The following NFKBIL1 variants were observed in gnomAD, a reference collection of about 807,000 sequenced individuals.
The protein encoded by NFKBIL1 is NF-kappa-B inhibitor-like protein 1.
A neutral mutation model predicts 45.4 loss-of-function variants in NFKBIL1; 30 were observed. That is an observed-to-expected ratio of 0.66 (90% CI 0.49 to 0.90). The LOEUF (loss-of-function observed/expected upper bound fraction) is 0.90, where lower values mean the gene tolerates loss of function less well. Among genes scored for constraint, NFKBIL1 ranks in the 40% least tolerant of loss-of-function variants. The pLI, the probability that NFKBIL1 is intolerant of heterozygous loss-of-function variation, is 0.00. For synonymous variants in NFKBIL1, 179 were observed against 197.3 expected, an observed-to-expected ratio of 0.91 and a Z score of 0.78; for missense variants, 434 against 513.4, an observed-to-expected ratio of 0.85 and a Z score of 1.49.
intron 2 of NFKBIL1, among the ~76,000 whole-genome samples, chr6:31,552,747 C>T (rs2150363808): frequency 7.9e-6 from 1 of 127,282 alleles, no homozygotes; most frequent in Admixed American, 9.3e-5. Flanking sequence ...TTCTGTCGCC[C>T]AAGCTGGAGT....
At chr6:31,552,681 A>ATT (rs1769494861) in intron 2 of NFKBIL1, among the ~76,000 whole-genome samples, 2 of 105,002 alleles carry the variant, frequency 1.9e-5, no homozygotes, top group African/African-American at 3.6e-5. Context: ...TAAAGGCGGC[A>ATT]TTTCTTTTTT....
At chr6:31,548,109 G>A in intron 1 of NFKBIL1, 54 bp from the exon 2 acceptor site, 2 of 1,610,734 alleles carry the variant, frequency 1.2e-6, no homozygotes, top group East Asian at 4.5e-5. Flanking sequence ...GAGATGGAGG[G>A]AGAAGGACCA....
chr6:31,554,265 G>C (rs998833572), intron 2 of NFKBIL1, among the ~76,000 whole-genome samples: 2 of 152,048 alleles, frequency 1.3e-5, no homozygotes, highest in Non-Finnish European at 2.9e-5. Context: ...TTAGCCAGGC[G>C]TGGTGGTACG....
chr6:31,555,687 C>T (rs1769696849), intron 2 of NFKBIL1, among the ~76,000 whole-genome samples: 1 of 142,626 alleles, frequency 7.0e-6, no homozygotes, highest in Non-Finnish European at 1.5e-5. Context: ...GCGATCTCGG[C>T]TCACTGCAAC....
chr6:31,556,519 C>T (rs566549557), intron 2 of NFKBIL1, among the ~76,000 whole-genome samples: 11 of 152,174 alleles, frequency 7.2e-5, no homozygotes, highest in Non-Finnish European at 1.3e-4. Flanking sequence ...TGGGCCTGGC[C>T]AGGATGCCTG....
rs1021084579 is a variant in NFKBIL1 at position 31,558,182 on chromosome 6, G to A, written c.717G>A (p.Gln239=). 1.3e-5 allele frequency: 21 copies of A among 1,609,298 alleles called. No homozygotes were observed. In the African/African-American group the frequency reaches 1.5e-4, roughly 11 times the overall value. The part of the protein sequence containing the change: ...AEGSSQSWRQ[Q]EEEQRLFRER... The stretch of plus-strand genomic sequence containing the variant: ...GCTCCAGCCAGAGCTGGCGACAGCA[G>A]GAGGAGGAGCAGCGGCTCTTCAGGG... Residue 239 remains glutamine (Q), a synonymous_variant, in exon 4 of 4, where the codon CAG becomes CAA. Coordinates refer to ENST00000376148, the MANE Select transcript of NFKBIL1 (RefSeq NM_005007.4). The surrounding 1 kb of genome is among the most constrained non-coding windows in gnomAD (Gnocchi z 7.2).
rs1052999699 is a variant in NFKBIL1 at position 31,547,773 on chromosome 6, G to C, written c.57+22G>C. The stretch of plus-strand genomic sequence containing the variant: ...CCGGGTACATGATATTCAATTTCTA[G>C]ATCATTATTGGAGATTATCTGTGAC... On this transcript the variant is annotated intron_variant, in intron 1 of 3. Coordinates refer to ENST00000376148, the MANE Select transcript of NFKBIL1 (RefSeq NM_005007.4). The C allele has an allele frequency of 1.9e-6, 3 of 1,582,708 alleles. No individual in the cohort carries two copies. The African/African-American group carries it at 4.0e-5, about 21-fold the overall frequency.
chr6:31,547,009 G>C (rs114762763), upstream of NFKBIL1: 5,604 of 171,050 alleles, frequency 0.033, 302 homozygotes, highest in African/African-American at 0.12. Context: ...GTTGGGAAAA[G>C]AGCATTCTGG....
intron 2 of NFKBIL1, among the ~76,000 whole-genome samples, chr6:31,549,183 A>G (rs1769292103): frequency 6.6e-6 from 1 of 152,148 alleles, no homozygotes; most frequent in African/African-American, 2.4e-5. Context: ...GTACATAATT[A>G]GAGTACCTGG....
Position 31,557,935 on chromosome 6 carries a change from C to A in NFKBIL1, c.556+86C>A. 6.7e-7 allele frequency: 1 copy of A among 1,495,752 alleles called. No homozygotes were observed. The highest frequency in any genetic ancestry group is 2.4e-5 in the East Asian group (1 of 42,534). The allele number at this position is 1,495,752 out of a possible 1,614,324, so 92.7% of individuals were successfully genotyped here. A position where few individuals can be genotyped will look rare whatever the true frequency, so the allele number is the denominator to read the frequency against. On this transcript the variant is annotated intron_variant, in intron 3 of 3. Coordinates refer to ENST00000376148, the MANE Select transcript of NFKBIL1 (RefSeq NM_005007.4). This position sits in a 1 kb window ranked among gnomAD's most constrained non-coding sequence, Gnocchi z 5.4. ...AATGCGTCACACTAGGCTCCTCTGC[C>A]CCCTCCTCTGTGCTTCCCTGCTTCT... is the stretch of plus-strand genomic sequence containing the variant.
chr6:31,558,002 C>T lies in NFKBIL1; in HGVS notation c.557-20C>T, dbSNP rs1399806341. On this transcript the variant is annotated intron_variant, in intron 3 of 3. Coordinates refer to ENST00000376148, the MANE Select transcript of NFKBIL1 (RefSeq NM_005007.4). This position sits in a 1 kb window ranked among gnomAD's most constrained non-coding sequence, Gnocchi z 7.2. ...CTCACAGCCTCTCTCCAACTACCCCCATCCCACCCTCCCAAACAGGTGATG... is the reference window on the plus strand; with the variant it reads ...CTCACAGCCTCTCTCCAACTACCCCTATCCCACCCTCCCAAACAGGTGATG... The T allele has an allele frequency of 7.3e-7, 1 of 1,374,610 alleles. No homozygotes were observed. The highest frequency in any genetic ancestry group is 1.0e-6 in the Non-Finnish European group (1 of 980,734). 85.2% of individuals were successfully genotyped at this position (1,374,610 alleles called of 1,614,324 possible). A position where few individuals can be genotyped will look rare whatever the true frequency, so the allele number is the denominator to read the frequency against.
intron 2 of NFKBIL1, among the ~76,000 whole-genome samples, chr6:31,555,611 T>C (rs1189496307): frequency 1.6e-5 from 2 of 124,416 alleles, no homozygotes; most frequent in East Asian, 2.2e-4. Flanking sequence ...CTCTCTCTCT[T>C]TTTTTTTTTT....
rs1281124095 is a variant in NFKBIL1 at position 31,553,546 on chromosome 6, A to G, written c.335-4082A>G. The stretch of plus-strand genomic sequence containing the variant: ...TCACGGTAAACTACCTTTATCTGTG[A>G]TGATTTTATTTCCTTAAAATAAATT... On this transcript the variant is annotated intron_variant, in intron 2 of 3. Transcript: ENST00000376148. 3.9e-5 allele frequency among the ~76,000 whole-genome samples: 6 copies of G among 152,212 alleles called. No individual in the cohort carries two copies. The East Asian group carries it at 7.7e-4, about 19-fold the overall frequency.
Position 31,557,823 on chromosome 6 carries a change from G to T in NFKBIL1, c.530G>T (p.Trp177Leu). Residue 177 changes from tryptophan (W) to leucine (L), a missense_variant, in exon 3 of 4, where the codon TGG (tryptophan) becomes TTG (leucine). By Grantham distance (61) the Trp-to-Leu change is moderately conservative. Around this residue, in one of 4 missense-constraint regions of NFKBIL1, gnomAD observed 231 missense variants for 264.1 expected, o/e 0.87. Transcript: ENST00000376148. This position sits in a 1 kb window ranked among gnomAD's most constrained non-coding sequence, Gnocchi z 5.4. Reference protein sequence around the residue: ...QKLQGELEDEWQEVMGRFEGD... With the variant: ...QKLQGELEDELQEVMGRFEGD... ...CTCCAGGGTGAGCTGGAGGACGAGT[G>T]GCAGGAAGTCATGGGGAGGTTTGAA... The T allele has an allele frequency of 6.2e-7, 1 of 1,604,310 alleles. No homozygotes were observed. Among genetic ancestry groups the T allele is most frequent in the Non-Finnish European group, 8.5e-7 (1 of 1,173,862 alleles).
In NFKBIL1 at chr6:31,558,305, G is replaced by A; in HGVS notation, c.840G>A (p.Gly280=). ...GAGAACCCAAGCCAACCAGGGCCGG[G>A]CCCAGGGAAGAGCACCCCAGAGGAG... ...GDREPKPTRA[G]PREEHPRGAG... is the part of the protein sequence containing the mutation. Residue 280 remains glycine, a synonymous_variant, in exon 4 of 4, where the codon GGG becomes GGA. Transcript: ENST00000376148. This position sits in a 1 kb window ranked among gnomAD's most constrained non-coding sequence, Gnocchi z 7.2. 1.3e-6 allele frequency: 2 copies of A among 1,580,132 alleles called. No individual in the cohort carries two copies. The highest frequency in any genetic ancestry group is 4.5e-5 in the East Asian group (2 of 44,006).
intron 2 of NFKBIL1, among the ~76,000 whole-genome samples, chr6:31,552,678 G>A (rs1033411305): frequency 4.0e-5 from 6 of 148,682 alleles, no homozygotes; most frequent in African/African-American, 1.2e-4. Flanking sequence ...CTATAAAGGC[G>A]GCATTTCTTT....
intron 2 of NFKBIL1, among the ~76,000 whole-genome samples, chr6:31,553,620 G>A (rs1256857673): frequency 6.6e-6 from 1 of 152,084 alleles, no homozygotes; most frequent in Non-Finnish European, 1.5e-5. Context: ...TAGGAATGGG[G>A]TTGTGTATTG....
chr6:31,547,314 C>T (rs1472552390), upstream of NFKBIL1, among the ~76,000 whole-genome samples: 1 of 151,056 alleles, frequency 6.6e-6, no homozygotes, highest in African/African-American at 2.4e-5. Flanking sequence ...CTCATCTTTT[C>T]GTCCATCACT....
At position 31,557,606 on chromosome 6, in the gene NFKBIL1, C is replaced by T; in HGVS notation, c.335-22C>T. 6.7e-7 allele frequency: 1 copy of T among 1,481,578 alleles called. No homozygotes were observed. Among genetic ancestry groups the T allele is most frequent in the Non-Finnish European group, 9.0e-7 (1 of 1,112,072 alleles). 91.8% of individuals were successfully genotyped at this position (1,481,578 alleles called of 1,614,324 possible). A position where few individuals can be genotyped will look rare whatever the true frequency, so the allele number is the denominator to read the frequency against. On this transcript the variant is annotated intron_variant, in intron 2 of 3. Coordinates refer to ENST00000376148, the MANE Select transcript of NFKBIL1 (RefSeq NM_005007.4). The surrounding 1 kb of genome is among the most constrained non-coding windows in gnomAD (Gnocchi z 5.4). ...GAGTGGGAGTCCCAGCTAACTTCTG[C>T]TCCCTGCTCTCCCACCAACAGCCTA...
Sources: allele counts gnomAD v4.1 joint callset (sites outside exome capture counted in the v4.1 genomes callset), GRCh38; gene constraint gnomAD v4.1.1; regional missense constraint gnomAD v4.1.1; non-coding constraint Gnocchi (gnomAD v3.1); transcripts MANE v1.5; gene names NCBI Gene and HGNC (gene_info 2026-07-23, HGNC 2026-07-21).